Variants in NBEA observed in about 807,000 individuals in gnomAD.
The protein encoded by NBEA is lysosomal-trafficking regulator 2.
In NBEA, 44 loss-of-function variants were observed where a neutral mutation model predicts 343.4. That is an observed-to-expected ratio of 0.13 (90% CI 0.10 to 0.16). The LOEUF (loss-of-function observed/expected upper bound fraction) is 0.16, where lower values mean the gene tolerates loss of function less well. Among genes scored for constraint, NBEA ranks in the 10% least tolerant of loss-of-function variants. The pLI, the probability that NBEA is intolerant of heterozygous loss-of-function variation, is 1.00. For missense variants in NBEA, 2,555 were observed against 3,631.3 expected (o/e 0.70, Z 7.62); for synonymous variants, 1,175 against 1,238.7 (o/e 0.95, Z 1.08).
intron 36 of NBEA, among the ~76,000 whole-genome samples, chr13:35,341,480 T>C (rs1340523018): frequency 1.3e-5 from 2 of 152,038 alleles, no homozygotes; most frequent in Admixed American, 1.3e-4. Context: ...AATCAATGTT[T>C]GCAAATCATG....
At chr13:35,326,137 C>A (rs2038542876) in intron 36 of NBEA, among the ~76,000 whole-genome samples, 2 of 151,938 alleles carry the variant, frequency 1.3e-5, no homozygotes, top group African/African-American at 4.8e-5. Flanking sequence ...TTCAGGCTCT[C>A]TTTTAGTTCC....
intron 38 of NBEA, among the ~76,000 whole-genome samples, chr13:35,380,076 T>C (rs2041932710): frequency 6.6e-6 from 1 of 152,208 alleles, no homozygotes; most frequent in South Asian, 2.1e-4. Flanking sequence ...ACCTTTGCAC[T>C]TTTGATATGC....
At chr13:35,274,190 G>T (rs2034410361) in intron 34 of NBEA, among the ~76,000 whole-genome samples, 1 of 152,158 alleles carries the variant, frequency 6.6e-6, no homozygotes, top group African/African-American at 2.4e-5. Context: ...CCACCCCTGG[G>T]TTGCAAGACT....
At chr13:34,943,173 C>G in intron 1 of NBEA, 59 bp downstream of exon 1, 1 of 1,588,828 alleles carries the variant, frequency 6.3e-7, no homozygotes, top group Non-Finnish European at 8.6e-7. Context: ...CCGTCCCCAG[C>G]GCCTTTCCCT....
chr13:35,474,966 C>T, intron 41 of NBEA: 1 of 1,334,742 alleles, frequency 7.5e-7, no homozygotes, highest in Non-Finnish European at 1.0e-6. Context: ...ATTGTTTGCA[C>T]TGCGGAGTGG....
chr13:35,276,609 T>G (rs890386743), intron 34 of NBEA, among the ~76,000 whole-genome samples: 3 of 152,196 alleles, frequency 2.0e-5, no homozygotes, highest in Admixed American at 2.0e-4. Context: ...ATTATTATAC[T>G]CTCTGGGATA....
At chr13:35,369,315 A>T (rs2041303054) in intron 38 of NBEA, among the ~76,000 whole-genome samples, 1 of 151,578 alleles carries the variant, frequency 6.6e-6, no homozygotes, top group Non-Finnish European at 1.5e-5. Flanking sequence ...GAAGTTAGGT[A>T]GTGTGATGCC....
At chr13:35,212,961 C>T (rs1190189357) in intron 33 of NBEA, among the ~76,000 whole-genome samples, 1 of 151,580 alleles carries the variant, frequency 6.6e-6, no homozygotes, top group Non-Finnish European at 1.5e-5. Context: ...CATTTTCTGG[C>T]TTTTCTTATC....
At chr13:35,373,864 G>C (rs1387742982) in intron 38 of NBEA, among the ~76,000 whole-genome samples, 1 of 152,044 alleles carries the variant, frequency 6.6e-6, no homozygotes, top group Non-Finnish European at 1.5e-5. Context: ...TGGTCTTGCT[G>C]TCTCAGGGGT....
chr13:35,445,792 A>ATATATATATATATATATATATATATATG (rs2045980958), intron 39 of NBEA, among the ~76,000 whole-genome samples: 1 of 78,220 alleles, frequency 1.3e-5, no homozygotes, highest in Non-Finnish European at 2.4e-5. Context: ...TTATATATAT[A>ATATATATATATATATATATATATATATG]TATATATATA....
At chr13:35,453,387 A>G (rs528530982) in intron 40 of NBEA, among the ~76,000 whole-genome samples, 3 of 152,336 alleles carry the variant, frequency 2.0e-5, no homozygotes, top group Admixed American at 6.5e-5. Flanking sequence ...TCTGTGACCA[A>G]ATGTTTGCCT....
Position 35,173,556 on chromosome 13 carries a change from G to C in NBEA, c.4516G>C (p.Glu1506Gln). 6.2e-7 allele frequency: 1 copy of C among 1,612,110 alleles called. No homozygotes were observed. Among genetic ancestry groups the C allele is most frequent in the Non-Finnish European group, 8.5e-7 (1 of 1,178,730 alleles). The change falls in exon 27 of 59, where the codon GAA (glutamate) becomes CAA (glutamine). Residue 1506 changes from glutamate (E) to glutamine (Q), a missense_variant. Coordinates refer to ENST00000379939, the MANE Select transcript of NBEA (RefSeq NM_001385012.1). ...TTCCCATGGAAGCAGTAAACCTCAG[G>C]AAGTTCCTCAAAGTGTGACTGCTAC... ...KSSHGSSKPQ[E>Q]VPQSVTATAA...
chr13:35,268,977 G>A (rs956168501), intron 34 of NBEA, among the ~76,000 whole-genome samples: 2 of 151,996 alleles, frequency 1.3e-5, no homozygotes, highest in Non-Finnish European at 2.9e-5. Flanking sequence ...AAAAGCTGAG[G>A]AAATTTATTG....
rs2084536288 is a variant in NBEA at position 35,651,794 on chromosome 13, T to G, written c.7964-11T>G. 1 of 1,505,646 alleles carries G rather than the reference T, an allele frequency of 6.6e-7. No individual in the cohort carries two copies. The highest frequency in any genetic ancestry group is 9.0e-7 in the Non-Finnish European group (1 of 1,105,480). The allele number at this position is 1,505,646 out of a possible 1,614,324, so 93.3% of individuals were successfully genotyped here. A position where few individuals can be genotyped will look rare whatever the true frequency, so the allele number is the denominator to read the frequency against. ...TTTATGTTAGTTTTTCTCTCTTTTT[T>G]TAATCTTTAGGCCTCAGAGGAGCTC... On this transcript the variant is annotated splice_polypyrimidine_tract_variant and intron_variant, in intron 52 of 58. Transcript: ENST00000379939.
At chr13:35,123,598 C>T (rs1348803846) in intron 17 of NBEA, 24 bp downstream of exon 17, 2 of 1,350,568 alleles carry the variant, frequency 1.5e-6, no homozygotes, top group East Asian at 5.1e-5. Context: ...TGTCATAATG[C>T]ATTCTAGAAA....
At chr13:35,497,198 T>G (rs1171157696) in intron 41 of NBEA, among the ~76,000 whole-genome samples, 1 of 152,084 alleles carries the variant, frequency 6.6e-6, no homozygotes, top group Admixed American at 6.6e-5. Context: ...ACTCAGGGCC[T>G]AAGGAACCTT....
chr13:35,422,798 C>T (rs2152924600), intron 38 of NBEA, among the ~76,000 whole-genome samples: 1 of 152,324 alleles, frequency 6.6e-6, no homozygotes, highest in Middle Eastern at 3.4e-3. Context: ...TCCACATCCT[C>T]TCCAGCATCT....
At chr13:35,077,526 T>C (rs1174469068) in intron 10 of NBEA, among the ~76,000 whole-genome samples, 2 of 152,136 alleles carry the variant, frequency 1.3e-5, no homozygotes, top group Non-Finnish European at 2.9e-5. Flanking sequence ...CAATCTATCA[T>C]GATAAACTAT....
intron 36 of NBEA, among the ~76,000 whole-genome samples, chr13:35,333,061 T>C (rs1049009611): frequency 3.3e-5 from 5 of 152,160 alleles, no homozygotes; most frequent in African/African-American, 9.6e-5. Context: ...AAGGCTGATA[T>C]GTTTCTAGTG....
Sources: gnomAD v4.1 joint callset for allele counts (sites outside exome capture counted in the v4.1 genomes callset) on GRCh38, gnomAD v4.1.1 for gene constraint, MANE v1.5 for transcripts, NCBI Gene and HGNC (gene_info 2026-07-23, HGNC 2026-07-21) for gene names.